LARGE1: variants seen among roughly 807,000 people sequenced by gnomAD.
LARGE1 encodes the protein xylosyl- and glucuronyltransferase LARGE1.
LARGE1 carries 43 observed loss-of-function variants against 87.6 expected under a neutral mutation model. That is an observed-to-expected ratio of 0.49 (90% CI 0.38 to 0.63). The LOEUF (loss-of-function observed/expected upper bound fraction) is 0.63. Ranked by LOEUF, LARGE1 falls within the 30% of genes least tolerant of loss-of-function variation. The pLI is 0.00. For missense variants in LARGE1, 802 were observed against 1,000.2 expected (o/e 0.80, Z 2.67); for synonymous variants, 434 against 394.6 (o/e 1.10, Z -1.18).
chr22:33,867,016 C>T (rs992495901), intron 1 of LARGE1, among the ~76,000 whole-genome samples: 3 of 152,246 alleles, frequency 2.0e-5, no homozygotes, highest in Admixed American at 6.5e-5. Context: ...ATGCCAACCA[C>T]AAAGCTACCC....
intron 3 of LARGE1, among the ~76,000 whole-genome samples, chr22:33,632,740 C>T (rs1031124175): frequency 1.3e-5 from 2 of 152,118 alleles, no homozygotes; most frequent in African/African-American, 4.8e-5. Context: ...GTCCTGTTGG[C>T]TGGAAAGAAA....
intron 11 of LARGE1, among the ~76,000 whole-genome samples, chr22:33,241,638 ATATATATGTGTG>A (rs1926527540): frequency 6.6e-6 from 1 of 151,930 alleles, no homozygotes; most frequent in Non-Finnish European, 1.5e-5. Context: ...GTATATATGT[ATATATATGTGTG>A]TGTATATGTG....
intron 4 of LARGE1, 46 bp downstream of exon 4, chr22:33,626,198 A>T: frequency 6.7e-7 from 1 of 1,501,378 alleles, no homozygotes; most frequent in South Asian, 1.1e-5. Context: ...ATACACAGGC[A>T]GGCAGTGACA....
chr22:33,573,138 G>T (rs993789818), intron 5 of LARGE1, among the ~76,000 whole-genome samples: 1 of 151,970 alleles, frequency 6.6e-6, no homozygotes, highest in Admixed American at 6.6e-5. Context: ...AAGAGCAAAA[G>T]ACAATATTCA....
At chr22:33,583,581 A>C (rs1302625877) in intron 5 of LARGE1, among the ~76,000 whole-genome samples, 1 of 152,208 alleles carries the variant, frequency 6.6e-6, no homozygotes, top group East Asian at 1.9e-4. Context: ...CTCGGAAAGA[A>C]ATTTAACAAC....
intron 11 of LARGE1, among the ~76,000 whole-genome samples, chr22:33,236,536 T>C (rs894365667): frequency 6.6e-6 from 1 of 152,204 alleles, no homozygotes; most frequent in Non-Finnish European, 1.5e-5. Flanking sequence ...CATTTTCCCC[T>C]GGGTTAGTAT....
At chr22:33,341,435 T>C (rs1329898047) in intron 9 of LARGE1, among the ~76,000 whole-genome samples, 2 of 152,044 alleles carry the variant, frequency 1.3e-5, no homozygotes, top group Non-Finnish European at 2.9e-5. Context: ...GTTCCATCTA[T>C]GAGAGTCTGC....
chr22:33,750,856 C>T (rs2084288851), intron 2 of LARGE1: 1 of 151,916 alleles, frequency 6.6e-6, no homozygotes, highest in Non-Finnish European at 1.5e-5. Context: ...GAATATCTGT[C>T]CAAATGGTAT....
intron 4 of LARGE1, among the ~76,000 whole-genome samples, chr22:33,622,099 T>C (rs1040497935): frequency 1.3e-5 from 2 of 152,130 alleles, no homozygotes; most frequent in Non-Finnish European, 2.9e-5. Flanking sequence ...CACTGGAGGT[T>C]GTTAGGGAAA....
intron 6 of LARGE1, among the ~76,000 whole-genome samples, chr22:33,528,503 T>G (rs1391659481): frequency 2.6e-5 from 4 of 152,178 alleles, no homozygotes; most frequent in African/African-American, 9.7e-5. Flanking sequence ...GTTAGCATTA[T>G]CCAAGGGTGG....
At chr22:33,292,459 G>A (rs1365738030) in intron 12 of LARGE1, among the ~76,000 whole-genome samples, 1 of 152,124 alleles carries the variant, frequency 6.6e-6, no homozygotes, top group East Asian at 1.9e-4. Flanking sequence ...GCAACCTCAA[G>A]CAGCTGCAGG....
At chr22:33,584,249 G>A (rs915640394) in intron 5 of LARGE1, among the ~76,000 whole-genome samples, 1 of 152,148 alleles carries the variant, frequency 6.6e-6, no homozygotes, top group African/African-American at 2.4e-5. Flanking sequence ...TTAACTCAAA[G>A]AGCAAGATAA....
chr22:33,807,076 G>T (rs2086336161), intron 1 of LARGE1, among the ~76,000 whole-genome samples: 1 of 152,168 alleles, frequency 6.6e-6, no homozygotes, highest in South Asian at 2.1e-4. Context: ...TGGATAGGCA[G>T]TTTGTTTGCA....
At chr22:33,093,953 T>A in the LARGE1 span, among the ~76,000 whole-genome samples, 1 of 151,150 alleles carries the variant, frequency 6.6e-6, no homozygotes, top group Non-Finnish European at 1.5e-5. Context: ...CTCAGCCTCC[T>A]GTTGGTCAGG....
chr22:33,239,472 T>C (rs1268146869), intron 11 of LARGE1, among the ~76,000 whole-genome samples: 1 of 152,042 alleles, frequency 6.6e-6, no homozygotes, highest in East Asian at 1.9e-4. Flanking sequence ...TACTTCCATA[T>C]GTTTCCTCTG....
chr22:33,513,920 G>A (rs555011198), intron 6 of LARGE1, among the ~76,000 whole-genome samples: 3 of 151,190 alleles, frequency 2.0e-5, no homozygotes, highest in African/African-American at 2.4e-5. Context: ...AGATTATGAC[G>A]TTGCATTTTT....
chr22:33,683,399 C>G (rs955213300), intron 2 of LARGE1, among the ~76,000 whole-genome samples: 1 of 152,174 alleles, frequency 6.6e-6, no homozygotes, highest in African/African-American at 2.4e-5. Context: ...GGCTTTCAGA[C>G]TGGAACTATA....
chr22:33,743,687 TCCA>T (rs1305441927), intron 2 of LARGE1, among the ~76,000 whole-genome samples: 3 of 152,226 alleles, frequency 2.0e-5, no homozygotes, highest in Non-Finnish European at 4.4e-5. Context: ...CGATCTGACC[TCCA>T]CCACAACTCT....
intron 9 of LARGE1, among the ~76,000 whole-genome samples, chr22:33,372,132 T>C (rs73166263): frequency 0.06 from 9,149 of 152,220 alleles, 349 homozygotes; most frequent in Middle Eastern, 0.11. Context: ...GTCTGGGTCA[T>C]TTCCATAAAA....
Sources: allele counts gnomAD v4.1 joint callset (sites outside exome capture counted in the v4.1 genomes callset), GRCh38; gene constraint gnomAD v4.1.1; transcripts MANE v1.5; gene names NCBI Gene and HGNC (gene_info 2026-07-23, HGNC 2026-07-21).